The following SYT4 variants were observed in gnomAD, a reference collection of about 807,000 sequenced individuals.
SYT4 encodes the protein synaptotagmin 4, also known as synaptotagmin-4.
SYT4 carries 7 observed loss-of-function variants against 32.9 expected under a neutral mutation model. The observed-to-expected ratio is 0.21, with a 90% confidence interval of 0.12 to 0.40. The LOEUF (loss-of-function observed/expected upper bound fraction) is 0.40. Among genes scored for constraint, SYT4 ranks in the 10% least tolerant of loss-of-function variants. The pLI is 1.00. For missense variants in SYT4, 480 were observed against 488.0 expected, an observed-to-expected ratio of 0.98 and a Z score of 0.16; for synonymous variants, 205 against 186.2, an observed-to-expected ratio of 1.10 and a Z score of -0.82.
intron 1 of SYT4, among the ~76,000 whole-genome samples, chr18:43,275,191 A>G (rs1307651222): frequency 6.6e-6 from 1 of 152,130 alleles, no homozygotes; most frequent in Non-Finnish European, 1.5e-5. Flanking sequence ...TTAGAGTTCA[A>G]TTTTATCTAT....
chr18:43,270,591 GTCT>G lies in SYT4; in HGVS notation c.1025_1027del (p.Lys342del), dbSNP rs1015144719. 8 of 1,613,838 alleles carry G rather than the reference GTCT, an allele frequency of 5.0e-6. No homozygotes were observed. Among genetic ancestry groups the G allele is most frequent in the African/African-American group, 2.7e-5 (2 of 74,868 alleles). ...ATTGGGGGTGCATTTCTTCACATGA[GTCT>G]TCTTCTTGGAGATTCTCTTTTTGGC... On this transcript the variant is annotated inframe_deletion, in exon 4 of 4. Coordinates refer to ENST00000255224, the MANE Select transcript of SYT4 (RefSeq NM_020783.4).
At chr18:43,273,325 A>G (rs181109184) in intron 2 of SYT4, among the ~76,000 whole-genome samples, 4 of 152,286 alleles carry the variant, frequency 2.6e-5, no homozygotes, top group East Asian at 3.9e-4. Flanking sequence ...AAGTATTTAT[A>G]TAGGTGATAT....
chr18:43,273,512 T>C (rs1409463325), intron 2 of SYT4, 68 bp downstream of exon 2: 1 of 1,106,900 alleles, frequency 9.0e-7, no homozygotes, highest in Non-Finnish European at 1.3e-6. Context: ...TTAATAAAAA[T>C]TCCTTAGACA....
intron 2 of SYT4, 74 bp downstream of exon 2, chr18:43,273,506 T>C: frequency 9.8e-7 from 1 of 1,022,780 alleles, no homozygotes; most frequent in Non-Finnish European, 1.4e-6. Flanking sequence ...ATCATATTAA[T>C]AAAAATTCCT....
At chr18:43,272,601 A>G (rs1908663886) in intron 2 of SYT4, among the ~76,000 whole-genome samples, 1 of 152,180 alleles carries the variant, frequency 6.6e-6, no homozygotes, top group Non-Finnish European at 1.5e-5. Flanking sequence ...TTTGTTTGCA[A>G]CTGAGAGTGA....
In SYT4 at chr18:43,274,205, G is replaced by C. The variant is rs1382631936; in HGVS notation, c.224C>G (p.Ala75Gly). 1 of 1,613,886 alleles carries C rather than the reference G, an allele frequency of 6.2e-7. No homozygotes were observed. The highest frequency in any genetic ancestry group is 1.7e-5 in the Admixed American group (1 of 59,992). ...ATTCTTTACTTCATTTTTATCATCTGCTCCAAACTTCTTTTTGCTATTTAG... is the reference window on the plus strand; with the variant it reads ...ATTCTTTACTTCATTTTTATCATCTCCTCCAAACTTCTTTTTGCTATTTAG... ...ENLNSKKKFG[A>G]DDKNEVKNKP... The change falls in exon 2 of 4, where the codon GCA becomes GGA. Residue 75 changes from alanine to glycine, a missense_variant. Physicochemically the swap from Ala to Gly is moderately conservative, Grantham distance 60. Coordinates refer to ENST00000255224, the MANE Select transcript of SYT4 (RefSeq NM_020783.4).
At position 43,270,592 on chromosome 18, in the gene SYT4, T is replaced by A. The variant is rs1908598824; in HGVS notation, c.1027A>T (p.Thr343Ser). 2 of 1,613,908 alleles carry A rather than the reference T, an allele frequency of 1.2e-6. No homozygotes were observed. Among genetic ancestry groups the A allele is most frequent in the Non-Finnish European group, 1.7e-6 (2 of 1,179,940 alleles). ...TTGGGGGTGCATTTCTTCACATGAG[T>A]CTTCTTCTTGGAGATTCTCTTTTTG... is the stretch of plus-strand genomic sequence containing the variant. Reference protein sequence around the residue: ...HAKKRISKKKTHVKKCTPNAV... With the variant: ...HAKKRISKKKSHVKKCTPNAV... Residue 343 changes from threonine (T) to serine (S), a missense_variant, in exon 4 of 4, where the codon ACT (threonine) becomes TCT (serine). Transcript: ENST00000255224.
In SYT4 at chr18:43,274,029, C is replaced by A; in HGVS notation, c.400G>T (p.Val134Phe). Residue 134 changes from valine (V) to phenylalanine (F), a missense_variant, in exon 2 of 4, where the codon GTT becomes TTT. Physicochemically the swap from Val to Phe is conservative, Grantham distance 50. Coordinates refer to ENST00000255224, the MANE Select transcript of SYT4 (RefSeq NM_020783.4). The part of the protein sequence containing the change: ...KLFLEGEKES[V>F]SPESLKSSTS... ...CTGGACTTTAAACTCTCAGGGGAAA[C>A]TGACTCTTTTTCCCCTTCTAAAAAG... 1 of 1,613,948 alleles carries A rather than the reference C, an allele frequency of 6.2e-7. No individual in the cohort carries two copies. Among genetic ancestry groups the A allele is most frequent in the Non-Finnish European group, 8.5e-7 (1 of 1,179,934 alleles).
chr18:43,273,992 G>A lies in SYT4; in HGVS notation c.437C>T (p.Thr146Ile), dbSNP rs771612590. 1.2e-6 allele frequency: 2 copies of A among 1,613,948 alleles called. No homozygotes were observed. The highest frequency in any genetic ancestry group is 1.1e-5 in the South Asian group (1 of 91,074). Residue 146 changes from threonine to isoleucine, a missense_variant, in exon 2 of 4, where the codon ACT becomes ATT. Physicochemically the swap from Thr to Ile is moderately conservative, Grantham distance 89 (BLOSUM62 -1). Coordinates refer to ENST00000255224, the MANE Select transcript of SYT4 (RefSeq NM_020783.4). The part of the protein sequence containing the change: ...PESLKSSTSL[T>I]SEEKQEKLGT... ...CAGCTTCTCTTGTTTCTCTTCTGAAGTAAGGGAAGTGCTGGACTTTAAACT... is the reference window on the plus strand; with the variant it reads ...CAGCTTCTCTTGTTTCTCTTCTGAAATAAGGGAAGTGCTGGACTTTAAACT...
rs1908560485 is a variant in SYT4, at chr18:43,269,541, A to G, written c.*800T>C. The G allele has an allele frequency of 6.6e-6, 1 of 152,596 alleles. No homozygotes were observed. Among genetic ancestry groups the G allele is most frequent in the Non-Finnish European group, 1.5e-5 (1 of 68,034 alleles). The allele number at this position is 152,596 out of a possible 1,614,324, so 9.5% of individuals were successfully genotyped here. A position where few individuals can be genotyped will look rare whatever the true frequency, so the allele number is the denominator to read the frequency against. ...ATTTCTTTATTCACTAACTAATTCA[A>G]CAATTTCACAAAGGTACATAGGGAT... On this transcript the variant is annotated 3_prime_UTR_variant, in exon 4 of 4. Coordinates refer to ENST00000255224, the MANE Select transcript of SYT4 (RefSeq NM_020783.4).
Position 43,271,742 on chromosome 18 carries a change from G to C in SYT4, c.940C>G (p.Leu314Val). ...AGTCCGGACACATCAGATTTAGGCA[G>C]ATGTCGAGCTTTTAAGACAACCACA... ...LTVVVLKARH[L>V]PKSDVSGLSD... The change falls in exon 3 of 4, where the codon CTG becomes GTG. Residue 314 changes from leucine (L) to valine (V), a missense_variant. Coordinates refer to ENST00000255224, the MANE Select transcript of SYT4 (RefSeq NM_020783.4). The C allele has an allele frequency of 6.2e-7, 1 of 1,613,210 alleles. No homozygotes were observed. The highest frequency in any genetic ancestry group is 8.5e-7 in the Non-Finnish European group (1 of 1,179,316).
At chr18:43,270,739 C>T (rs1908604800) in intron 3 of SYT4, 91 bp from the exon 4 acceptor site, 5 of 1,350,190 alleles carry the variant, frequency 3.7e-6, no homozygotes, top group Admixed American at 2.0e-5. Context: ...CATGGCATGC[C>T]AATGACATGT....
Position 43,273,579 on chromosome 18 carries a change from C to A in SYT4, c.849+1G>T, listed in dbSNP as rs778924606. ...TACTTTAAGCACTGAAAATAAATTA[C>A]CCTAACATTTCTCTTGATGATCTCT... On this transcript the variant is annotated splice_donor_variant, in intron 2 of 3. Transcript: ENST00000255224. LOFTEE classifies it high-confidence loss of function. 1.3e-6 allele frequency: 2 copies of A among 1,591,402 alleles called. No homozygotes were observed. The highest frequency in any genetic ancestry group is 3.5e-5 in the Admixed American group (2 of 57,164).
chr18:43,268,154 A>G lies in SYT4; in HGVS notation c.*2187T>C, dbSNP rs1568119399. The G allele has an allele frequency of 6.6e-6, 1 of 152,630 alleles. No individual in the cohort carries two copies. The highest frequency in any genetic ancestry group is 1.5e-5 in the Non-Finnish European group (1 of 68,046). 9.5% of individuals were successfully genotyped at this position (152,630 alleles called of 1,614,324 possible). A position where few individuals can be genotyped will look rare whatever the true frequency, so the allele number is the denominator to read the frequency against. ...AATACAGTGCAGGATTTGTAACAGG[A>G]TTCAAGATATTCACATTGATATTGT... is the stretch of plus-strand genomic sequence containing the variant. On this transcript the variant is annotated 3_prime_UTR_variant, in exon 4 of 4. Transcript: ENST00000255224.
chr18:43,270,367 T>C lies in SYT4; in HGVS notation c.1252A>G (p.Lys418Glu). The C allele has an allele frequency of 3.1e-6, 5 of 1,614,068 alleles. No individual in the cohort carries two copies. The highest frequency in any genetic ancestry group is 4.2e-6 in the Non-Finnish European group (5 of 1,179,938). Reference sequence around the variant, plus strand: ...TAACCATCACAGAGCACGTGCCACTTGGCAATTTGTCTCCTGGGGTAGTCA... The same window carrying C: ...TAACCATCACAGAGCACGTGCCACTCGGCAATTTGTCTCCTGGGGTAGTCA... ...ICDYPRRQIA[K>E]WHVLCDG Residue 418 changes from lysine (K) to glutamate (E), a missense_variant, in exon 4 of 4, where the codon AAG becomes GAG. Physicochemically the swap from Lys to Glu is moderately conservative, Grantham distance 56. Transcript: ENST00000255224.
chr18:43,267,916 A>G lies in SYT4; in HGVS notation c.*2425T>C, dbSNP rs567851137. 1.3e-5 allele frequency: 2 copies of G among 152,350 alleles called. No homozygotes were observed. The highest frequency in any genetic ancestry group is 4.1e-4 in the South Asian group (2 of 4,824). The allele number at this position is 152,350 out of a possible 1,614,324, so 9.4% of individuals were successfully genotyped here. The stretch of plus-strand genomic sequence containing the variant: ...GTTGGGCAAAAGCAGCAATTTATTC[A>G]TGTCTTACAAACATGGTCTTACAAA... On this transcript the variant is annotated 3_prime_UTR_variant, in exon 4 of 4. Transcript: ENST00000255224.
chr18:43,276,134 A>G (rs1908785251), intron 1 of SYT4, among the ~76,000 whole-genome samples: 1 of 152,196 alleles, frequency 6.6e-6, no homozygotes, highest in African/African-American at 2.4e-5. Flanking sequence ...TAAATGTCAT[A>G]CCAAAATAAA....
In SYT4 at chr18:43,268,879, C is replaced by T. The variant is rs181439777; in HGVS notation, c.*1462G>A. On this transcript the variant is annotated 3_prime_UTR_variant, in exon 4 of 4. Transcript: ENST00000255224. ...TTTACAAACACTGTGATATCAAACA[C>T]ATTCTCAAAAACTGCTAAAGTACTG... is the stretch of plus-strand genomic sequence containing the variant. The T allele has an allele frequency of 5.2e-5, 8 of 152,718 alleles. No individual in the cohort carries two copies. The highest frequency in any genetic ancestry group is 7.4e-5 in the Non-Finnish European group (5 of 68,022). The allele number at this position is 152,718 out of a possible 1,614,324, so 9.5% of individuals were successfully genotyped here.
Position 43,271,823 on chromosome 18 carries a change from C to G in SYT4, c.859G>C (p.Gly287Arg), listed in dbSNP as rs201474652. 3.7e-6 allele frequency: 6 copies of G among 1,611,900 alleles called. No individual in the cohort carries two copies. The highest frequency in any genetic ancestry group is 5.1e-6 in the Non-Finnish European group (6 of 1,178,470). The change falls in exon 3 of 4, where the codon GGA (glycine) becomes CGA (arginine). Residue 287 changes from glycine (G) to arginine (R), a missense_variant. Coordinates refer to ENST00000255224, the MANE Select transcript of SYT4 (RefSeq NM_020783.4). Reference protein sequence around the residue: ...IIKRNVRKSSGRGELLISLCY... With the variant: ...IIKRNVRKSSRRGELLISLCY... ...AGAGAGATCAGTAACTCACCCCGTC[C>G]TGAAGACTTCTGCAGAAAGAGAAAT...
Sources: allele counts gnomAD v4.1 joint callset (sites outside exome capture counted in the v4.1 genomes callset), GRCh38; gene constraint gnomAD v4.1.1; transcripts MANE v1.5; gene names NCBI Gene and HGNC (gene_info 2026-07-23, HGNC 2026-07-21).